Variants in ARL6IP5 observed in about 807,000 individuals in gnomAD.
ARL6IP5 encodes the protein ARF like GTPase 6 interacting protein 5, also known as PRA1 family protein 3.
Under a neutral mutation model 13.0 loss-of-function variants are expected in ARL6IP5, and 6 were observed. The observed-to-expected ratio is 0.46, with a 90% CI of 0.25 to 0.91. The LOEUF is 0.91. Ranked by LOEUF, ARL6IP5 falls within the 40% of genes least tolerant of loss-of-function variation. The pLI is 0.17. For synonymous variants in ARL6IP5, 91 were observed against 91.9 expected (o/e 0.99, Z 0.06); for missense variants, 208 against 248.8 (o/e 0.84, Z 1.10).
chr3:69,084,973 C>T lies in ARL6IP5; in HGVS notation c.-75C>T. The T allele has an allele frequency of 1.3e-6, 2 of 1,559,288 alleles. No homozygotes were observed. Among genetic ancestry groups the T allele is most frequent in the Non-Finnish European group, 1.7e-6 (2 of 1,152,240 alleles). ...CGAGACGGAGCCGCTGTCAACTCTC[C>T]AACTCAGCTCAGCTGATCGGTTGCC... On this transcript the variant is annotated 5_prime_UTR_variant, in exon 1 of 3. Coordinates refer to ENST00000273258, the MANE Select transcript of ARL6IP5 (RefSeq NM_006407.4).
chr3:69,104,264 A>AC (rs1311291099), intron 2 of ARL6IP5, among the ~76,000 whole-genome samples, 200 bp from the exon 3 acceptor site: 6 of 152,028 alleles, frequency 3.9e-5, no homozygotes, highest in Non-Finnish European at 7.4e-5. Flanking sequence ...TTTAATGCAG[A>AC]AAAAAAACTA....
chr3:69,091,820 C>T (rs146941152), intron 1 of ARL6IP5, among the ~76,000 whole-genome samples: 6 of 152,140 alleles, frequency 3.9e-5, no homozygotes, highest in East Asian at 3.9e-4. Flanking sequence ...GAGAAGCTCT[C>T]CATCAGCTTA....
At chr3:69,092,009 C>T (rs2092268949) in intron 1 of ARL6IP5, among the ~76,000 whole-genome samples, 1 of 152,188 alleles carries the variant, frequency 6.6e-6, no homozygotes, top group Non-Finnish European at 1.5e-5. Flanking sequence ...ATACCATCCT[C>T]TGTCTCTTGA....
At chr3:69,104,358 G>A in intron 2 of ARL6IP5, 106 bp from the exon 3 acceptor site, 1 of 1,151,004 alleles carries the variant, frequency 8.7e-7, no homozygotes, top group South Asian at 1.5e-5. Flanking sequence ...ACTGGACTGT[G>A]GCTAACTAAG....
chr3:69,091,781 T>G (rs2092268294), intron 1 of ARL6IP5, among the ~76,000 whole-genome samples: 1 of 151,980 alleles, frequency 6.6e-6, no homozygotes, highest in South Asian at 2.1e-4. Context: ...TGAGTGTATT[T>G]TGGATTCCTG....
At chr3:69,089,680 A>G (rs1054522827) in intron 1 of ARL6IP5, 3 of 374,174 alleles carry the variant, frequency 8.0e-6, no homozygotes, top group South Asian at 4.0e-5. Context: ...ATTAGAACTC[A>G]TATTTTCTGG....
At chr3:69,101,736 A>C (rs1420355120) in intron 1 of ARL6IP5, 103 bp from the exon 2 acceptor site, 5 of 918,384 alleles carry the variant, frequency 5.4e-6, no homozygotes, top group Non-Finnish European at 8.6e-6. Flanking sequence ...TAAAGTATTA[A>C]AGTATTAGTA....
chr3:69,096,490 T>G (rs1203348848), intron 1 of ARL6IP5, among the ~76,000 whole-genome samples: 1 of 152,138 alleles, frequency 6.6e-6, no homozygotes, highest in East Asian at 1.9e-4. Context: ...TTTGATGCTT[T>G]GCTGCCAGCC....
At chr3:69,092,652 G>A (rs1002552641) in intron 1 of ARL6IP5, among the ~76,000 whole-genome samples, 3 of 151,926 alleles carry the variant, frequency 2.0e-5, no homozygotes, top group Non-Finnish European at 4.4e-5. Flanking sequence ...GTATTTTTAA[G>A]TGATTACAGG....
At chr3:69,103,902 TAATC>T (rs1171492453) in intron 2 of ARL6IP5, among the ~76,000 whole-genome samples, 1 of 152,104 alleles carries the variant, frequency 6.6e-6, no homozygotes, top group East Asian at 1.9e-4. Context: ...TGTGGTAAAA[TAATC>T]AAGCAAGTTT....
intron 1 of ARL6IP5, among the ~76,000 whole-genome samples, chr3:69,098,410 A>AT (rs1173683737): frequency 6.6e-6 from 1 of 151,738 alleles, no homozygotes; most frequent in Non-Finnish European, 1.5e-5. Flanking sequence ...AGCCCAACTA[A>AT]TTTTTTGTAT....
intron 1 of ARL6IP5, among the ~76,000 whole-genome samples, chr3:69,087,246 A>C (rs948561872): frequency 2.0e-5 from 3 of 151,854 alleles, no homozygotes; most frequent in Non-Finnish European, 4.4e-5. Flanking sequence ...TTCTGGGCTC[A>C]AGCCATCCTT....
At chr3:69,103,625 T>C (rs997301938) in intron 2 of ARL6IP5, among the ~76,000 whole-genome samples, 1 of 152,122 alleles carries the variant, frequency 6.6e-6, no homozygotes, top group Non-Finnish European at 1.5e-5. Context: ...GGGTCCAAGA[T>C]CCACCTACAT....
intron 1 of ARL6IP5, among the ~76,000 whole-genome samples, chr3:69,096,029 G>GTA (rs1235764858): frequency 2.7e-4 from 41 of 152,354 alleles, no homozygotes; most frequent in African/African-American, 9.6e-4. Flanking sequence ...GTGTGTGTGT[G>GTA]TGTGTCTGTC....
At chr3:69,096,597 C>CTTTTTTTTT (rs11291168) in intron 1 of ARL6IP5, among the ~76,000 whole-genome samples, 3 of 69,556 alleles carry the variant, frequency 4.3e-5, no homozygotes, top group African/African-American at 1.2e-4. Flanking sequence ...TTTTGCTTTG[C>CTTTTTTTTT]TTTTTTTTTT....
Position 69,100,625 on chromosome 3 carries a change from C to CA in ARL6IP5, c.177-1208dup, listed in dbSNP as rs545013812. Among the ~76,000 whole-genome samples, 156 of 151,840 alleles carry CA rather than the reference C, an allele frequency of 1.0e-3. 1 individual carries two copies. The highest frequency in any genetic ancestry group is 3.7e-3 in the African/African-American group (154 of 41,406). On this transcript the variant is annotated intron_variant, in intron 1 of 2. Transcript: ENST00000273258. The stretch of plus-strand genomic sequence containing the variant: ...CAAAATCCCACCTGTACTGAAAATA[C>CA]AAAAAATTAGCTGGGCGTGGTGGCA...
intron 1 of ARL6IP5, among the ~76,000 whole-genome samples, chr3:69,088,562 G>GA (rs1395091981): frequency 2.6e-5 from 4 of 152,150 alleles, no homozygotes; most frequent in African/African-American, 7.2e-5. Flanking sequence ...AGAAACACTG[G>GA]AAAAAACTGC....
Position 69,104,980 on chromosome 3 carries a change from A to G in ARL6IP5, c.*344A>G. On this transcript the variant is annotated 3_prime_UTR_variant, in exon 3 of 3. Transcript: ENST00000273258. ...ACGATTATCTTATAGGAAAAAAAAA[A>G]TCATTGTAAAGTATCAAGACAATAC... The G allele has an allele frequency of 1.5e-6, 1 of 667,076 alleles. No homozygotes were observed. The highest frequency in any genetic ancestry group is 2.7e-6 in the Non-Finnish European group (1 of 373,222). 41.3% of individuals were successfully genotyped at this position (667,076 alleles called of 1,614,324 possible).
intron 1 of ARL6IP5, among the ~76,000 whole-genome samples, chr3:69,087,403 A>T (rs528120998): frequency 6.6e-6 from 1 of 152,142 alleles, no homozygotes; most frequent in Non-Finnish European, 1.5e-5. Context: ...AGGGCATCTT[A>T]TCTGGTGATC....
Sources: allele counts gnomAD v4.1 joint callset (sites outside exome capture counted in the v4.1 genomes callset), GRCh38; gene constraint gnomAD v4.1.1; transcripts MANE v1.5; gene names NCBI Gene and HGNC (gene_info 2026-07-23, HGNC 2026-07-21).